The following STXBP2 variants were observed in gnomAD, a reference collection of about 807,000 sequenced individuals.
The protein encoded by STXBP2 is syntaxin-binding protein 2.
Under a neutral mutation model 72.2 loss-of-function variants are expected in STXBP2, and 47 were observed. The observed-to-expected ratio is 0.65, with a 90% CI of 0.51 to 0.83. The LOEUF is 0.83. Among genes scored for constraint, STXBP2 ranks in the 40% least tolerant of loss-of-function variants. STXBP2 has a pLI of 0.00. For missense variants in STXBP2, 702 were observed against 807.6 expected (o/e 0.87, Z 1.58); for synonymous variants, 367 against 338.7 (o/e 1.08, Z -0.92).
upstream of STXBP2, chr19:7,636,757 T>A (rs2031550168): frequency 4.9e-6 from 1 of 203,086 alleles, no homozygotes; most frequent in Non-Finnish European, 9.9e-6. Flanking sequence ...TGGGTCAAGA[T>A]CCCAGGCCCA....
intron 13 of STXBP2, 167 bp downstream of exon 13, chr19:7,643,412 T>A (rs1430740891): frequency 9.8e-6 from 7 of 717,376 alleles, no homozygotes; most frequent in Non-Finnish European, 1.6e-5. Flanking sequence ...GTGGGTCTTG[T>A]GGAGAAACGG....
Position 7,647,487 on chromosome 19 carries a change from G to C in STXBP2, c.1672G>C (p.Glu558Gln), listed in dbSNP as rs758554274. The C allele has an allele frequency of 1.2e-6, 2 of 1,605,054 alleles. No individual in the cohort carries two copies. The highest frequency in any genetic ancestry group is 1.7e-6 in the Non-Finnish European group (2 of 1,175,484). ...RAAYEVTRAT[E>Q]GKWEVLIGSS... ...CGCCTACGAGGTGACCAGGGCCACC[G>C]AGGGCAAGTGGGAGGTGCTCATTGG... The change falls in exon 18 of 19, where the codon GAG becomes CAG. Residue 558 changes from glutamate (E) to glutamine (Q), a missense_variant. Glu to Gln is a conservative substitution (Grantham distance 29). Transcript: ENST00000221283.
chr19:7,637,071 G>C, upstream of STXBP2: 1 of 1,225,276 alleles, frequency 8.2e-7, no homozygotes. Flanking sequence ...CGCGGGGCGG[G>C]GTCCACGTGG....
rs534447382 is a variant in STXBP2 at position 7,640,532 on chromosome 19, A to G, written c.247-199A>G. ...TGTGTGCATGTGTGCATGCGTGTGTATGTGTGTGTGCGTGCGTGCATCTGT... is the reference window on the plus strand; with the variant it reads ...TGTGTGCATGTGTGCATGCGTGTGTGTGTGTGTGTGCGTGCGTGCATCTGT... On this transcript the variant is annotated intron_variant, in intron 4 of 18. Coordinates refer to ENST00000221283, the MANE Select transcript of STXBP2 (RefSeq NM_006949.4). 7.8e-4 allele frequency: 544 copies of G among 693,968 alleles called. 2 individuals carry two copies. The highest frequency in any genetic ancestry group is 1.6e-3 in the South Asian group (108 of 66,360). The allele number at this position is 693,968 out of a possible 1,614,324, so 43.0% of individuals were successfully genotyped here. A position where few individuals can be genotyped will look rare whatever the true frequency, so the allele number is the denominator to read the frequency against.
chr19:7,638,883 G>A, intron 2 of STXBP2, 108 bp downstream of exon 2: 1 of 1,574,218 alleles, frequency 6.4e-7, no homozygotes, highest in Non-Finnish European at 8.7e-7. Flanking sequence ...CATGGGTGGA[G>A]TTGGGTGAAT....
intron 3 of STXBP2, 126 bp downstream of exon 3, chr19:7,639,226 C>G (rs546655206): frequency 2.0e-6 from 2 of 1,016,218 alleles, no homozygotes; most frequent in East Asian, 2.6e-5. Flanking sequence ...AAGTACGCAG[C>G]TCCCTGCACG....
At chr19:7,631,191 A>G in the STXBP2 span, 2 of 1,292,202 alleles carry the variant, frequency 1.5e-6, no homozygotes, top group South Asian at 1.7e-5. Flanking sequence ...CCTGGGCAAT[A>G]GAGTGAGACT....
At chr19:7,633,420 C>A, upstream of STXBP2, 1 of 1,573,648 alleles carries the variant, frequency 6.4e-7, no homozygotes, top group Non-Finnish European at 8.6e-7. Context: ...GGCACAGGGG[C>A]CTGAGCCTTC....
Position 7,642,657 on chromosome 19 carries a change from G to C in STXBP2, c.903-109G>C. On this transcript the variant is annotated intron_variant, in intron 10 of 18. Transcript: ENST00000221283. This position sits in a 1 kb window ranked among gnomAD's most constrained non-coding sequence, Gnocchi z 6.0. ...CATGAGCACCCCTCGTGTGACTCCA[G>C]ACTGGCCTCCAATTTCACCCCACCT... 6.7e-7 allele frequency: 1 copy of C among 1,481,680 alleles called. No individual in the cohort carries two copies. Among genetic ancestry groups the C allele is most frequent in the Non-Finnish European group, 9.4e-7 (1 of 1,066,896 alleles). The allele number at this position is 1,481,680 out of a possible 1,614,324, so 91.8% of individuals were successfully genotyped here.
chr19:7,640,322 G>T, intron 4 of STXBP2: 1 of 560,740 alleles, frequency 1.8e-6, no homozygotes, highest in Non-Finnish European at 3.3e-6. Context: ...GCATCTGTGT[G>T]TGCGTGTGTA....
chr19:7,635,681 G>A (rs1462621604), upstream of STXBP2, among the ~76,000 whole-genome samples: 3 of 152,150 alleles, frequency 2.0e-5, no homozygotes, highest in African/African-American at 4.8e-5. Context: ...GAGCAACAGA[G>A]CGAGACCCGT....
At chr19:7,631,529 C>G in the STXBP2 span, 1 of 1,535,814 alleles carries the variant, frequency 6.5e-7, no homozygotes, top group Non-Finnish European at 8.7e-7. Context: ...AGGAGAAGCT[C>G]CTTCGCGACG....
Position 7,645,400 on chromosome 19 carries a change from G to A in STXBP2, c.1356+94G>A, listed in dbSNP as rs899898758. The A allele has an allele frequency of 3.7e-5, 46 of 1,248,422 alleles. 1 individual carries two copies. The highest frequency in any genetic ancestry group is 2.5e-4 in the Admixed American group (12 of 48,832). The allele number at this position is 1,248,422 out of a possible 1,614,324, so 77.3% of individuals were successfully genotyped here. On this transcript the variant is annotated intron_variant, in intron 15 of 18. Coordinates refer to ENST00000221283, the MANE Select transcript of STXBP2 (RefSeq NM_006949.4). ...AGAGGGCCATTGGTGCACAGGCACGGTGTGGTTCCTGGCGTGGTGTGGTTG... is the reference window on the plus strand; with the variant it reads ...AGAGGGCCATTGGTGCACAGGCACGATGTGGTTCCTGGCGTGGTGTGGTTG...
At chr19:7,632,344 G>C, upstream of STXBP2, 1 of 1,608,484 alleles carries the variant, frequency 6.2e-7, no homozygotes, top group Non-Finnish European at 8.5e-7. This position sits in a 1 kb window ranked among gnomAD's most constrained non-coding sequence, Gnocchi z 5.2. Context: ...CAGGATCGGA[G>C]AGCACTGCCT....
intron 4 of STXBP2, 199 bp from the exon 5 acceptor site, chr19:7,640,532 A>C: frequency 1.4e-6 from 1 of 693,970 alleles, no homozygotes; most frequent in Non-Finnish European, 2.6e-6. Flanking sequence ...ATGCGTGTGT[A>C]TGTGTGTGTG....
upstream of STXBP2, chr19:7,636,469 G>A (rs1347058161): frequency 6.6e-6 from 1 of 152,154 alleles, no homozygotes; most frequent in Non-Finnish European, 1.5e-5. Context: ...TGCGCCTCCC[G>A]GAAGAGGGTA....
chr19:7,635,248 A>G (rs998796688), upstream of STXBP2, among the ~76,000 whole-genome samples: 3 of 152,200 alleles, frequency 2.0e-5, no homozygotes, highest in African/African-American at 7.2e-5. Flanking sequence ...TCTTGAGAAG[A>G]CAAAACCCAA....
chr19:7,643,082 C>A, intron 12 of STXBP2, 34 bp downstream of exon 12: 1 of 1,613,976 alleles, frequency 6.2e-7, no homozygotes, highest in South Asian at 1.1e-5. Context: ...GGGGACACCT[C>A]GGCCCCTCAA....
At chr19:7,637,909 G>C (rs530391238) in intron 1 of STXBP2, among the ~76,000 whole-genome samples, 3 of 152,330 alleles carry the variant, frequency 2.0e-5, no homozygotes, top group Non-Finnish European at 4.4e-5. Flanking sequence ...CCTTTAATTG[G>C]GGGAGATTAG....
Sources: allele counts gnomAD v4.1 joint callset (sites outside exome capture counted in the v4.1 genomes callset), GRCh38; gene constraint gnomAD v4.1.1; non-coding constraint Gnocchi (gnomAD v3.1); transcripts MANE v1.5; gene names NCBI Gene and HGNC (gene_info 2026-07-23, HGNC 2026-07-21).